Variants in YLPM1 observed in about 807,000 individuals in gnomAD.
YLPM1 encodes YLP motif-containing protein 1.
Under a neutral mutation model 230.0 loss-of-function variants are expected in YLPM1, and 99 were observed. That is an observed-to-expected ratio of 0.43 (90% CI 0.37 to 0.51). The LOEUF (loss-of-function observed/expected upper bound fraction) is 0.51. Ranked by LOEUF, YLPM1 falls within the 20% of genes least tolerant of loss-of-function variation. The pLI, the probability that YLPM1 is intolerant of heterozygous loss-of-function variation, is 0.00. For synonymous variants in YLPM1, 984 were observed against 942.5 expected (o/e 1.04, Z -0.81); for missense variants, 2,592 against 2,707.7 (o/e 0.96, Z 0.95).
At chr14:74,778,366 TA>T in intron 1 of YLPM1, 80 bp from the exon 2 acceptor site, 1 of 1,243,906 alleles carries the variant, frequency 8.0e-7, no homozygotes, top group Non-Finnish European at 1.1e-6. Context: ...AACACAGACA[TA>T]AAGATAGGTC....
chr14:74,765,037 A>G (rs991233424), intron 1 of YLPM1, among the ~76,000 whole-genome samples: 4 of 152,176 alleles, frequency 2.6e-5, no homozygotes, highest in Non-Finnish European at 5.9e-5. Flanking sequence ...ATAATGAGCA[A>G]TTTTCTGCGT....
At chr14:74,814,233 C>G (rs1051556599) in intron 11 of YLPM1, among the ~76,000 whole-genome samples, 3 of 152,130 alleles carry the variant, frequency 2.0e-5, no homozygotes, top group Non-Finnish European at 4.4e-5. Context: ...TGGTGGCAGG[C>G]ACCTGTAGTC....
At chr14:74,769,018 A>C (rs1158558831) in intron 1 of YLPM1, among the ~76,000 whole-genome samples, 1 of 151,898 alleles carries the variant, frequency 6.6e-6, no homozygotes, top group African/African-American at 2.4e-5. Flanking sequence ...ACCTAATTAA[A>C]GAGGATTCCC....
intron 18 of YLPM1, chr14:74,827,860 T>C: frequency 1.0e-6 from 1 of 985,340 alleles, no homozygotes; most frequent in South Asian, 4.7e-5. Context: ...ATACGGCCCG[T>C]CATATACACG....
rs779890877 is a variant in YLPM1 at position 74,781,767 on chromosome 14, C to G, written c.1724C>G (p.Pro575Arg). The change falls in exon 4 of 21, where the codon CCA becomes CGA. Residue 575 changes from proline to arginine, a missense_variant. By Grantham distance (103) the Pro-to-Arg change is moderately radical (BLOSUM62 -2). This residue lies in a region of YLPM1 where 1,862 missense variants were observed against 1,819.8 expected (regional missense o/e 1.02). Transcript: ENST00000325680. ...CCTTCTCTACCAACCTCTGTTCCCC[C>G]ACCAGGGATGCCTCCTTCTCTCTCT... ...MPPSLPTSVP[P>R]PGMPPSLSSA... The G allele has an allele frequency of 1.9e-6, 3 of 1,613,198 alleles. No homozygotes were observed. Among genetic ancestry groups the G allele is most frequent in the South Asian group, 2.2e-5 (2 of 91,012 alleles).
chr14:74,797,268 A>G (rs1440069135), intron 4 of YLPM1, among the ~76,000 whole-genome samples: 1 of 151,098 alleles, frequency 6.6e-6, no homozygotes, highest in Non-Finnish European at 1.5e-5. Context: ...TGTGATTACA[A>G]GTGTGAGCCA....
At chr14:74,808,190 A>G (rs190416911) in intron 6 of YLPM1, among the ~76,000 whole-genome samples, 52 of 152,334 alleles carry the variant, frequency 3.4e-4, no homozygotes, top group Middle Eastern at 3.4e-3. Flanking sequence ...CTTTCTGTCT[A>G]TATAGATTTG....
intron 1 of YLPM1, among the ~76,000 whole-genome samples, chr14:74,774,865 A>G (rs1309149620): frequency 2.6e-5 from 4 of 152,132 alleles, no homozygotes; most frequent in Admixed American, 6.6e-5. Context: ...GTTTGCCCTC[A>G]TGATGTGTGG....
chr14:74,787,204 ATCC>A (rs1185168554), intron 4 of YLPM1, among the ~76,000 whole-genome samples: 4 of 152,044 alleles, frequency 2.6e-5, no homozygotes, highest in African/African-American at 9.7e-5. Context: ...TCAGTTTTTT[ATCC>A]ATTATATGTA....
chr14:74,765,512 T>A (rs1488928544), intron 1 of YLPM1, among the ~76,000 whole-genome samples: 1 of 152,216 alleles, frequency 6.6e-6, no homozygotes, highest in Non-Finnish European at 1.5e-5. Flanking sequence ...TCTGTTGGCT[T>A]ACATCAAATT....
intron 1 of YLPM1, among the ~76,000 whole-genome samples, chr14:74,777,459 C>T (rs769727468): frequency 8.6e-5 from 13 of 151,176 alleles, no homozygotes; most frequent in Admixed American, 2.0e-4. Flanking sequence ...CCCAGCTACT[C>T]GGGAAGCTGA....
Position 74,773,711 on chromosome 14 carries a change from C to CTTTTTTTTT in YLPM1, c.874-4717_874-4709dup, listed in dbSNP as rs766885242. Reference sequence around the variant, plus strand: ...TCATGGTCAGTGTGCTGTTTTCTTTCTTTTTTTTTTTTTTTTTTTTTTTTT... The same window carrying CTTTTTTTTT: ...TCATGGTCAGTGTGCTGTTTTCTTTCTTTTTTTTTTTTTTTTTTTTTTTTTTTTTTTTTT... On this transcript the variant is annotated intron_variant, in intron 1 of 20. Transcript: ENST00000325680. Among the ~76,000 whole-genome samples, 36 of 60,566 alleles carry CTTTTTTTTT rather than the reference C, an allele frequency of 5.9e-4. 4 individuals carry two copies. The highest frequency in any genetic ancestry group is 7.1e-4 in the Admixed American group (4 of 5,622). The allele number at this position is 60,566 out of a possible 152,430, so 39.7% of individuals were successfully genotyped here. A position where few individuals can be genotyped will look rare whatever the true frequency, so the allele number is the denominator to read the frequency against.
At chr14:74,765,627 A>G (rs1594803888) in intron 1 of YLPM1, among the ~76,000 whole-genome samples, 1 of 152,192 alleles carries the variant, frequency 6.6e-6, no homozygotes, top group East Asian at 1.9e-4. Flanking sequence ...TTTTGTTGTC[A>G]AACATTCTCA....
At position 74,811,676 on chromosome 14, in the gene YLPM1, A is replaced by G; in HGVS notation, c.5285A>G (p.Asp1762Gly). 6.2e-7 allele frequency: 1 copy of G among 1,613,074 alleles called. No homozygotes were observed. The highest frequency in any genetic ancestry group is 2.2e-5 in the East Asian group (1 of 44,856). Residue 1762 changes from aspartate (D) to glycine (G), a missense_variant, in exon 10 of 21, where the codon GAT becomes GGT. Coordinates refer to ENST00000325680, the MANE Select transcript of YLPM1 (RefSeq NM_019589.3). ...TCCTCATCCAGAAGAGGGGGTTTTGATAGGCCATCCTATGACCGGAAGTCT... is the reference window on the plus strand; with the variant it reads ...TCCTCATCCAGAAGAGGGGGTTTTGGTAGGCCATCCTATGACCGGAAGTCT... ...DHSSSRRGGF[D>G]RPSYDRKSDR...
intron 1 of YLPM1, among the ~76,000 whole-genome samples, chr14:74,767,587 C>T (rs1594805085): frequency 1.3e-5 from 2 of 152,180 alleles, no homozygotes; most frequent in Admixed American, 1.3e-4. Flanking sequence ...AGTGGCAGCC[C>T]CCAGTCCGAC....
chr14:74,770,138 C>T (rs1339661883), intron 1 of YLPM1, among the ~76,000 whole-genome samples: 3 of 150,424 alleles, frequency 2.0e-5, no homozygotes, highest in Admixed American at 6.6e-5. Context: ...GCCGAGATCG[C>T]GCCACTGCAC....
chr14:74,808,883 C>T (rs1471619483), intron 6 of YLPM1, among the ~76,000 whole-genome samples: 1 of 151,646 alleles, frequency 6.6e-6, no homozygotes, highest in Admixed American at 6.6e-5. Context: ...CCATTTATTC[C>T]CACTAACAAT....
chr14:74,781,596 C>G lies in YLPM1; in HGVS notation c.1553C>G (p.Pro518Arg). Reference protein sequence around the residue: ...NQYMGNMSMPPPFVPYSQMPP... With the variant: ...NQYMGNMSMPRPFVPYSQMPP... ...TATATGGGGAACATGTCAATGCCAC[C>G]TCCTTTTGTTCCATATTCTCAGATG... The change falls in exon 4 of 21, where the codon CCT becomes CGT. Residue 518 changes from proline (P) to arginine (R), a missense_variant. Transcript: ENST00000325680. The G allele has an allele frequency of 1.9e-6, 3 of 1,613,948 alleles. No homozygotes were observed. Among genetic ancestry groups the G allele is most frequent in the Non-Finnish European group, 2.5e-6 (3 of 1,179,888 alleles).
intron 5 of YLPM1, 124 bp from the exon 6 acceptor site, chr14:74,802,432 C>T: frequency 1.8e-6 from 2 of 1,089,244 alleles, no homozygotes; most frequent in Non-Finnish European, 2.6e-6. Flanking sequence ...AGTGTATGGC[C>T]ACTGCAGAGA....
Sources: gnomAD v4.1 joint callset for allele counts (sites outside exome capture counted in the v4.1 genomes callset) on GRCh38, gnomAD v4.1.1 for gene constraint, gnomAD v4.1.1 regional missense constraint, MANE v1.5 for transcripts, NCBI Gene and HGNC (gene_info 2026-07-23, HGNC 2026-07-21) for gene names.